HS6ST2: variants seen among roughly 807,000 people sequenced by gnomAD.
The protein encoded by HS6ST2 is heparan-sulfate 6-O-sulfotransferase 2.
HS6ST2 carries 17 observed loss-of-function variants against 33.0 expected under a neutral mutation model. The ratio of observed to expected loss-of-function variants is 0.52; its 90% CI spans 0.35 to 0.77. The LOEUF (loss-of-function observed/expected upper bound fraction) is 0.77. HS6ST2 is among the 30% of genes least tolerant of loss of function. HS6ST2 has a pLI of 0.01. For synonymous variants in HS6ST2, 248 were observed against 237.1 expected (o/e 1.05, Z -0.42); for missense variants, 519 against 551.7 (o/e 0.94, Z 0.59).
intron 2 of HS6ST2, among the ~76,000 whole-genome samples, chrX:132,947,437 G>A (rs1208173353): frequency 9.1e-6 from 1 of 109,442 alleles, no homozygotes; most frequent in Non-Finnish European, 1.9e-5. Flanking sequence ...TGCTTTATAC[G>A]TTTCAAACTT....
At chrX:132,688,238 G>C (rs1357185714) in intron 3 of HS6ST2, among the ~76,000 whole-genome samples, 1 of 111,939 alleles carries the variant, frequency 8.9e-6, no homozygotes, top group Admixed American at 9.5e-5. Flanking sequence ...AGAGCCAAAA[G>C]TAAGAGAGCT....
At chrX:132,863,286 CTT>C (rs1442281788) in intron 2 of HS6ST2, among the ~76,000 whole-genome samples, 1 of 111,165 alleles carries the variant, frequency 9.0e-6, no homozygotes, top group African/African-American at 3.3e-5. Context: ...AGATCAGTGA[CTT>C]ATACATTTGC....
intron 2 of HS6ST2, among the ~76,000 whole-genome samples, chrX:132,855,682 A>G (rs1160609745): frequency 1.8e-5 from 2 of 112,104 alleles, no homozygotes; most frequent in African/African-American, 6.5e-5. Context: ...AGAAATTTGT[A>G]AAACTGTTGG....
intron 2 of HS6ST2, among the ~76,000 whole-genome samples, chrX:132,709,153 C>A (rs1348295420): frequency 8.9e-6 from 1 of 112,116 alleles, no homozygotes; most frequent in East Asian, 2.8e-4. Context: ...TTAAGGGTCA[C>A]AAAACACTCA....
intron 2 of HS6ST2, among the ~76,000 whole-genome samples, chrX:132,876,765 C>A (rs1432068940): frequency 9.0e-6 from 1 of 111,390 alleles, no homozygotes; most frequent in Non-Finnish European, 1.9e-5. Context: ...TTGATGTTAA[C>A]CCTTGGTTTA....
At chrX:132,683,924 T>C (rs1419611523) in intron 3 of HS6ST2, among the ~76,000 whole-genome samples, 3 of 110,051 alleles carry the variant, frequency 2.7e-5, no homozygotes, top group Admixed American at 9.9e-5. Flanking sequence ...ACCTGTAATA[T>C]GACCCTGGGG....
chrX:132,762,538 C>A (rs2064811755), intron 2 of HS6ST2, among the ~76,000 whole-genome samples: 1 of 111,811 alleles, frequency 8.9e-6, no homozygotes, highest in Non-Finnish European at 1.9e-5. Context: ...ACATATCTCA[C>A]CTAAAATGGA....
rs2064356127 is a variant in HS6ST2 at position 132,723,382 on chromosome X, C to T, written c.948-14888G>A. ...AAGACACATCAAAAAAAGAAAACTACAGGCCAATATCGCTAATGAATATTG... is the reference window on the plus strand; with the variant it reads ...AAGACACATCAAAAAAAGAAAACTATAGGCCAATATCGCTAATGAATATTG... On this transcript the variant is annotated intron_variant, in intron 2 of 4. Transcript: ENST00000370833. Among the ~76,000 whole-genome samples the T allele has an allele frequency of 4.5e-5, 5 of 111,741 alleles. No individual in the cohort carries two copies. In the South Asian group the frequency reaches 1.9e-3, roughly 43 times the overall value.
At chrX:132,935,644 G>A (rs1265317428) in intron 2 of HS6ST2, among the ~76,000 whole-genome samples, 1 of 111,434 alleles carries the variant, frequency 9.0e-6, no homozygotes, top group African/African-American at 3.3e-5. Context: ...AATCACAGTG[G>A]AATGAAATTA....
chrX:132,665,243 A>G (rs1042062153), intron 4 of HS6ST2, among the ~76,000 whole-genome samples: 2 of 111,992 alleles, frequency 1.8e-5, no homozygotes, highest in African/African-American at 3.2e-5. Flanking sequence ...ACCTGGCTGG[A>G]CATCCTGAGA....
chrX:132,782,939 G>T (rs748927843), intron 2 of HS6ST2, among the ~76,000 whole-genome samples: 2 of 111,665 alleles, frequency 1.8e-5, no homozygotes, highest in African/African-American at 6.5e-5. Flanking sequence ...AGAATGAAAG[G>T]TGAAACTATG....
intron 2 of HS6ST2, among the ~76,000 whole-genome samples, chrX:132,881,435 G>C (rs1342539036): frequency 8.9e-6 from 1 of 111,868 alleles, no homozygotes; most frequent in Non-Finnish European, 1.9e-5. Context: ...CTTTTGAGAA[G>C]TGTCTGTTCA....
intron 2 of HS6ST2, among the ~76,000 whole-genome samples, chrX:132,764,659 T>C (rs1414360653): frequency 9.0e-6 from 1 of 111,574 alleles, no homozygotes; most frequent in Non-Finnish European, 1.9e-5. Flanking sequence ...TGAGTGCCCC[T>C]GCAAAAATCC....
At chrX:132,878,353 T>C (rs1658431319) in intron 2 of HS6ST2, among the ~76,000 whole-genome samples, 1 of 111,881 alleles carries the variant, frequency 8.9e-6, no homozygotes, top group African/African-American at 3.2e-5. Context: ...CAGTATGCTG[T>C]GGGCATGCCC....
At chrX:132,698,766 C>G (rs2064121500) in intron 3 of HS6ST2, among the ~76,000 whole-genome samples, 1 of 111,588 alleles carries the variant, frequency 9.0e-6, no homozygotes, top group African/African-American at 3.3e-5. Flanking sequence ...TTAATTCTTT[C>G]ATAACATTCA....
At chrX:132,845,083 T>C (rs2065739267) in intron 2 of HS6ST2, among the ~76,000 whole-genome samples, 1 of 108,241 alleles carries the variant, frequency 9.2e-6, no homozygotes, top group East Asian at 2.8e-4. Context: ...ATATGTGTAG[T>C]TATAATATCT....
chrX:132,960,738 G>A (rs1392702434), upstream of HS6ST2, among the ~76,000 whole-genome samples: 1 of 111,662 alleles, frequency 9.0e-6, no homozygotes, highest in Non-Finnish European at 1.9e-5. Context: ...GATATAATAT[G>A]TCACTAGGAT....
At chrX:132,808,468 G>T (rs774453270) in intron 2 of HS6ST2, among the ~76,000 whole-genome samples, 26 of 111,704 alleles carry the variant, frequency 2.3e-4, no homozygotes, top group Middle Eastern at 4.6e-3. Flanking sequence ...ACTTGCCTGG[G>T]CTCATGGCTC....
At chrX:132,764,500 C>T (rs1351870240) in intron 2 of HS6ST2, among the ~76,000 whole-genome samples, 1 of 111,826 alleles carries the variant, frequency 8.9e-6, no homozygotes, top group Admixed American at 9.5e-5. Context: ...CATTACATCT[C>T]TTGGGGACCA....
Sources: allele counts gnomAD v4.1 joint callset (sites outside exome capture counted in the v4.1 genomes callset), GRCh38; gene constraint gnomAD v4.1.1; transcripts MANE v1.5; gene names NCBI Gene and HGNC (gene_info 2026-07-23, HGNC 2026-07-21).